ASIC2: variants seen among roughly 807,000 people sequenced by gnomAD.
ASIC2 encodes the protein acid sensing ion channel subunit 2.
ASIC2 carries 25 observed loss-of-function variants against 57.3 expected under a neutral mutation model. The observed-to-expected ratio is 0.44, with a 90% CI of 0.32 to 0.61. The LOEUF (loss-of-function observed/expected upper bound fraction) is 0.61. ASIC2 is among the 20% of genes least tolerant of loss of function. ASIC2 has a pLI of 0.06. For synonymous variants in ASIC2, 319 were observed against 307.5 expected (o/e 1.04, Z -0.39); for missense variants, 641 against 738.1 (o/e 0.87, Z 1.52).
chr17:33,126,101 T>C (rs2092322090), intron 1 of ASIC2, among the ~76,000 whole-genome samples: 1 of 152,220 alleles, frequency 6.6e-6, no homozygotes. Context: ...CACAACAAAC[T>C]TGCAAAATAG....
At chr17:33,103,540 T>C (rs1246482618) in intron 2 of ASIC2, among the ~76,000 whole-genome samples, 1 of 152,196 alleles carries the variant, frequency 6.6e-6, no homozygotes, top group Admixed American at 6.5e-5. Context: ...TGGTGGCTCA[T>C]TCAGGGGTAA....
At chr17:33,780,129 C>T (rs542094501) in intron 1 of ASIC2, among the ~76,000 whole-genome samples, 1 of 151,924 alleles carries the variant, frequency 6.6e-6, no homozygotes, top group Admixed American at 6.6e-5. Context: ...CGCCACCATG[C>T]CTGCCTAATT....
intron 1 of ASIC2, among the ~76,000 whole-genome samples, chr17:33,303,522 C>G (rs963559373): frequency 3.3e-5 from 5 of 152,198 alleles, no homozygotes; most frequent in African/African-American, 1.2e-4. Context: ...TACACACCGA[C>G]AGCAACTACA....
At chr17:33,746,709 A>G (rs1425582552) in intron 1 of ASIC2, among the ~76,000 whole-genome samples, 1 of 152,152 alleles carries the variant, frequency 6.6e-6, no homozygotes, top group African/African-American at 2.4e-5. Context: ...CTTGAACAAC[A>G]CTATACATAA....
At chr17:33,770,817 T>C (rs748585307) in intron 1 of ASIC2, among the ~76,000 whole-genome samples, 8 of 152,208 alleles carry the variant, frequency 5.3e-5, no homozygotes, top group African/African-American at 9.6e-5. Flanking sequence ...CCTGGGACTG[T>C]AGCAGAACTT....
At chr17:33,977,199 T>G (rs1445210958) in intron 1 of ASIC2, among the ~76,000 whole-genome samples, 1 of 151,828 alleles carries the variant, frequency 6.6e-6, no homozygotes, top group East Asian at 1.9e-4. Context: ...TCCTATGGAC[T>G]GCTCTGCCTG....
chr17:33,574,086 A>C (rs796098947), intron 1 of ASIC2, among the ~76,000 whole-genome samples: 8 of 152,328 alleles, frequency 5.3e-5, no homozygotes, highest in African/African-American at 1.9e-4. Context: ...GAGCTCTCTA[A>C]GGTGGTTCTG....
At chr17:33,711,429 T>C (rs1047270623) in intron 1 of ASIC2, among the ~76,000 whole-genome samples, 2 of 152,204 alleles carry the variant, frequency 1.3e-5, no homozygotes, top group South Asian at 4.1e-4. Context: ...TCCTCCTCCA[T>C]ATGCGGTCAA....
chr17:33,649,406 T>C (rs1318165182), intron 1 of ASIC2, among the ~76,000 whole-genome samples: 1 of 152,138 alleles, frequency 6.6e-6, no homozygotes, highest in Non-Finnish European at 1.5e-5. Context: ...ATCTGAAAAA[T>C]GGAGAGACAT....
intron 1 of ASIC2, among the ~76,000 whole-genome samples, chr17:33,134,408 A>C (rs1208565932): frequency 6.6e-6 from 1 of 152,190 alleles, no homozygotes; most frequent in Non-Finnish European, 1.5e-5. Context: ...TGGAGAGTGA[A>C]AGCAAGGAGC....
intron 1 of ASIC2, among the ~76,000 whole-genome samples, chr17:33,953,342 T>A (rs1904637744): frequency 6.6e-6 from 1 of 152,210 alleles, no homozygotes; most frequent in African/African-American, 2.4e-5. Context: ...TCAAACCCTA[T>A]GTCTGGTACT....
In ASIC2 at chr17:33,359,439, A is replaced by G. The variant is rs376445425; in HGVS notation, c.556-247372T>C. ...CAATTGAACATGAATCCATGGTATG[A>G]GGCCACCACTACCTACTTGGTCAGG... is the stretch of plus-strand genomic sequence containing the variant. On this transcript the variant is annotated intron_variant, in intron 1 of 9. Transcript: ENST00000359872. 1.6e-4 allele frequency among the ~76,000 whole-genome samples: 25 copies of G among 152,308 alleles called. No individual in the cohort carries two copies. The East Asian group carries it at 1.7e-3, about 11-fold the overall frequency.
At chr17:33,365,013 T>C (rs1504582) in intron 1 of ASIC2, among the ~76,000 whole-genome samples, 129,173 of 152,178 alleles carry the variant, frequency 0.85, 54,921 homozygotes, top group South Asian at 0.92. Context: ...TCAGGGTCAA[T>C]ATCAAGCTCT....
chr17:33,636,410 C>G (rs545193742), intron 1 of ASIC2, among the ~76,000 whole-genome samples: 1 of 152,250 alleles, frequency 6.6e-6, no homozygotes, highest in African/African-American at 2.4e-5. Flanking sequence ...TCTCATTATC[C>G]TACCATGTGT....
chr17:34,017,484 T>G (rs1339353834), intron 1 of ASIC2, among the ~76,000 whole-genome samples: 1 of 152,170 alleles, frequency 6.6e-6, no homozygotes, highest in African/African-American at 2.4e-5. Flanking sequence ...ATTTCTGACT[T>G]TAAATGAAAA....
intron 1 of ASIC2, among the ~76,000 whole-genome samples, chr17:33,852,252 C>T (rs1913789357): frequency 6.6e-6 from 1 of 152,242 alleles, no homozygotes; most frequent in Non-Finnish European, 1.5e-5. Context: ...GCAGTTCACT[C>T]CTTCTTGAAT....
chr17:33,623,309 G>A (rs1165601050), intron 1 of ASIC2: 1 of 153,244 alleles, frequency 6.5e-6, no homozygotes, highest in African/African-American at 2.4e-5. Context: ...TCACCAGGTT[G>A]GAGTGCAGTG....
chr17:33,812,308 C>G (rs16968925), intron 1 of ASIC2, among the ~76,000 whole-genome samples: 7,024 of 152,200 alleles, frequency 0.046, 201 homozygotes, highest in Middle Eastern at 0.095. Context: ...ATCAACAAGA[C>G]AACGGCTTTG....
chr17:33,432,501 CCTGGGCAAAAAAGACTT>C (rs1471992939), intron 1 of ASIC2, among the ~76,000 whole-genome samples: 1 of 151,984 alleles, frequency 6.6e-6, no homozygotes, highest in Non-Finnish European at 1.5e-5. Flanking sequence ...TGCCTTCCAG[CCTGGGCAAAAAAGACTT>C]CATGATGATT....
Sources: allele counts gnomAD v4.1 joint callset (sites outside exome capture counted in the v4.1 genomes callset), GRCh38; gene constraint gnomAD v4.1.1; transcripts MANE v1.5; gene names NCBI Gene and HGNC (gene_info 2026-07-23, HGNC 2026-07-21).